Variants in MED28 observed in about 807,000 individuals in gnomAD.
MED28 encodes mediator complex subunit 28.
A neutral mutation model predicts 21.3 loss-of-function variants in MED28; 26 were observed. The observed-to-expected ratio is 1.22, with a 90% confidence interval of 0.89 to 1.69. The LOEUF (loss-of-function observed/expected upper bound fraction) is 1.69, where lower values mean the gene tolerates loss of function less well. Ranked by LOEUF, MED28 falls within the 40% of genes most tolerant of loss-of-function variation. The pLI is 0.00. For missense variants in MED28, 257 were observed against 215.4 expected (o/e 1.19, Z -1.21); for synonymous variants, 110 against 87.6 (o/e 1.26, Z -1.43).
chr4:17,631,275 C>T lies in MED28; in HGVS notation c.*7477C>T, dbSNP rs951797168. ...CTATCTTGCCCAGGCTGGTCTCGAA[C>T]TCTTGGGCTCATGCTGTCCTACCTC... is the stretch of plus-strand genomic sequence containing the variant. On this transcript the variant is annotated 3_prime_UTR_variant, in exon 4 of 4. Coordinates refer to ENST00000237380, the MANE Select transcript of MED28 (RefSeq NM_025205.5). 5.9e-5 allele frequency: 9 copies of T among 151,840 alleles called. No homozygotes were observed. The highest frequency in any genetic ancestry group is 2.2e-4 in the African/African-American group (9 of 41,288). 9.4% of individuals were successfully genotyped at this position (151,840 alleles called of 1,614,324 possible).
At chr4:17,618,194 A>G (rs1463809267) in intron 1 of MED28, among the ~76,000 whole-genome samples, 1 of 151,640 alleles carries the variant, frequency 6.6e-6, no homozygotes, top group Non-Finnish European at 1.5e-5. Context: ...GTTTTTGTAG[A>G]GACAGGGTTT....
At chr4:17,622,956 C>T (rs1489668714) in intron 3 of MED28, among the ~76,000 whole-genome samples, 1 of 152,160 alleles carries the variant, frequency 6.6e-6, no homozygotes, top group African/African-American at 2.4e-5. Flanking sequence ...GATTCAATTA[C>T]CTCTCACCAG....
rs1248525653 is a variant in MED28 at position 17,630,434 on chromosome 4, T to C, written c.*6636T>C. The C allele has an allele frequency of 1.3e-5, 2 of 152,196 alleles. No individual in the cohort carries two copies. Among genetic ancestry groups the C allele is most frequent in the Admixed American group, 6.5e-5 (1 of 15,272 alleles). 9.4% of individuals were successfully genotyped at this position (152,196 alleles called of 1,614,324 possible). On this transcript the variant is annotated 3_prime_UTR_variant, in exon 4 of 4. Transcript: ENST00000237380. ...GGAGGCGCTCTTGCCTCTTCCACCATGTAAGGACACGTAGCAGGCACCCAT... is the reference window on the plus strand; with the variant it reads ...GGAGGCGCTCTTGCCTCTTCCACCACGTAAGGACACGTAGCAGGCACCCAT...
In MED28 at chr4:17,632,544, G is replaced by A. The variant is rs753434243; in HGVS notation, c.*8746G>A. On this transcript the variant is annotated 3_prime_UTR_variant, in exon 4 of 4. Transcript: ENST00000237380. ...CCCAAAGGTTAGCTTAGAAAGAAAAGTACTTGGTGAACCATTCCTGGTGCG... is the reference window on the plus strand; with the variant it reads ...CCCAAAGGTTAGCTTAGAAAGAAAAATACTTGGTGAACCATTCCTGGTGCG... 10 of 1,550,970 alleles carry A rather than the reference G, an allele frequency of 6.4e-6. No individual in the cohort carries two copies. Among genetic ancestry groups the A allele is most frequent in the Non-Finnish European group, 8.7e-6 (10 of 1,146,458 alleles).
chr4:17,633,926 C>G lies in MED28; in HGVS notation c.*10128C>G. The G allele has an allele frequency of 7.7e-7, 1 of 1,305,378 alleles. No homozygotes were observed. The highest frequency in any genetic ancestry group is 9.9e-7 in the Non-Finnish European group (1 of 1,009,372). 80.9% of individuals were successfully genotyped at this position (1,305,378 alleles called of 1,614,324 possible). ...ATGGACAGGTTAGTGCAATGCAATG[C>G]AAAAAACAAAATAAAGCATTATTGT... On this transcript the variant is annotated 3_prime_UTR_variant, in exon 4 of 4. Transcript: ENST00000237380.
intron 1 of MED28, among the ~76,000 whole-genome samples, chr4:17,617,870 G>C (rs1037090883): frequency 1.3e-5 from 2 of 151,784 alleles, no homozygotes; most frequent in Non-Finnish European, 2.9e-5. Flanking sequence ...TCGTGCCACT[G>C]ACTCTAGCCT....
Position 17,623,797 on chromosome 4 carries a change from G to C in MED28, c.536G>C (p.Ter179SerextTer45). ...ANIPAPLKPT[*>S] ...ATCCCTGCACCTCTGAAGCCAACGT[G>C]AGCAAAGGGCAGAGGCAGTTGGCCT... The change falls in exon 4 of 4, where the codon TGA (stop) becomes TCA (serine). Residue 179 changes from the stop codon to serine (S), a stop_lost. Coordinates refer to ENST00000237380, the MANE Select transcript of MED28 (RefSeq NM_025205.5). 6.2e-7 allele frequency: 1 copy of C among 1,612,990 alleles called. No individual in the cohort carries two copies. The highest frequency in any genetic ancestry group is 8.5e-7 in the Non-Finnish European group (1 of 1,179,460).
rs1715035979 is a variant in MED28, at chr4:17,633,745, G to A, written c.*9947G>A. On this transcript the variant is annotated 3_prime_UTR_variant, in exon 4 of 4. Coordinates refer to ENST00000237380, the MANE Select transcript of MED28 (RefSeq NM_025205.5). ...TGGGTTTGTAGGTCCGGCCACAGCT[G>A]GGGCTTGGGTCCAAGCTGGGTGATG... 6.4e-7 allele frequency: 1 copy of A among 1,550,732 alleles called. No homozygotes were observed. The highest frequency in any genetic ancestry group is 8.7e-7 in the Non-Finnish European group (1 of 1,146,574).
intron 2 of MED28, among the ~76,000 whole-genome samples, chr4:17,620,692 CTTTTTTTTTTTT>C (rs146604205): frequency 9.2e-6 from 1 of 108,900 alleles, no homozygotes; most frequent in Non-Finnish European, 1.8e-5. Flanking sequence ...TGCATTGTCT[CTTTTTTTTTTTT>C]TTTTTTTTTG....
intron 1 of MED28, among the ~76,000 whole-genome samples, chr4:17,619,205 C>T (rs986293546): frequency 2.0e-5 from 3 of 152,192 alleles, no homozygotes; most frequent in African/African-American, 7.2e-5. Flanking sequence ...TTCACATTTG[C>T]ATCTGTATAG....
intron 2 of MED28, 46 bp from the exon 3 acceptor site, chr4:17,621,541 T>G (rs1308552058): frequency 7.9e-7 from 1 of 1,264,910 alleles, no homozygotes. Flanking sequence ...GATAAATGAG[T>G]CTGTTGTTTT....
chr4:17,633,753 G>T lies in MED28; in HGVS notation c.*9955G>T, dbSNP rs1360433377. 2 of 1,551,018 alleles carry T rather than the reference G, an allele frequency of 1.3e-6. No individual in the cohort carries two copies. The highest frequency in any genetic ancestry group is 1.7e-6 in the Non-Finnish European group (2 of 1,146,724). The stretch of plus-strand genomic sequence containing the variant: ...TAGGTCCGGCCACAGCTGGGGCTTG[G>T]GTCCAAGCTGGGTGATGTAGTTATT... On this transcript the variant is annotated 3_prime_UTR_variant, in exon 4 of 4. Coordinates refer to ENST00000237380, the MANE Select transcript of MED28 (RefSeq NM_025205.5).
Position 17,628,734 on chromosome 4 carries a change from G to A in MED28, c.*4936G>A, listed in dbSNP as rs1465815866. On this transcript the variant is annotated 3_prime_UTR_variant, in exon 4 of 4. Transcript: ENST00000237380. Reference sequence around the variant, plus strand: ...AGCAGGCAGTAGGATGAGGCTTGGGGACTGGCTCACTCACTGCCCAACTGG... The same window carrying A: ...AGCAGGCAGTAGGATGAGGCTTGGGAACTGGCTCACTCACTGCCCAACTGG... The A allele has an allele frequency of 6.6e-6, 1 of 152,206 alleles. No homozygotes were observed. Among genetic ancestry groups the A allele is most frequent in the African/African-American group, 2.4e-5 (1 of 41,410 alleles). The allele number at this position is 152,206 out of a possible 1,614,324, so 9.4% of individuals were successfully genotyped here.
In MED28 at chr4:17,619,977, C is replaced by T. The variant is rs1466365486; in HGVS notation, c.226+10C>T. 6.2e-7 allele frequency: 1 copy of T among 1,612,006 alleles called. No homozygotes were observed. ...GAAGAAATTCGAACCGGTAAGCATT[C>T]CCTCTGTGTACACAATGTTCTGGGC... On this transcript the variant is annotated intron_variant, in intron 2 of 3. Transcript: ENST00000237380.
At chr4:17,617,018 G>T (rs1714473501) in intron 1 of MED28, among the ~76,000 whole-genome samples, 1 of 152,216 alleles carries the variant, frequency 6.6e-6, no homozygotes, top group Non-Finnish European at 1.5e-5. Context: ...TTGCCTTGTT[G>T]TAGGATCACT....
intron 2 of MED28, among the ~76,000 whole-genome samples, chr4:17,620,872 T>C (rs1414794318): frequency 6.6e-6 from 1 of 151,988 alleles, no homozygotes; most frequent in Non-Finnish European, 1.5e-5. Context: ...GGCTAATTTT[T>C]GTTTTTTTAT....
intron 1 of MED28, among the ~76,000 whole-genome samples, chr4:17,616,011 A>T (rs1714440461): frequency 6.6e-6 from 1 of 151,988 alleles, no homozygotes; most frequent in East Asian, 1.9e-4. Flanking sequence ...CCCAGGCTGG[A>T]GTACAGTGGC....
At chr4:17,622,234 G>A (rs1441790429) in intron 3 of MED28, among the ~76,000 whole-genome samples, 2 of 152,186 alleles carry the variant, frequency 1.3e-5, no homozygotes, top group Non-Finnish European at 2.9e-5. Context: ...GCCAGGACCT[G>A]CCCCATGTGA....
At chr4:17,617,998 T>TTTTTC (rs1200482224) in intron 1 of MED28, among the ~76,000 whole-genome samples, 13 of 144,262 alleles carry the variant, frequency 9.0e-5, no homozygotes, top group African/African-American at 3.0e-4. Flanking sequence ...GTATCTTTTT[T>TTTTTC]TTTTCTTTTC....
Sources: gnomAD v4.1 joint callset for allele counts (sites outside exome capture counted in the v4.1 genomes callset) on GRCh38, gnomAD v4.1.1 for gene constraint, MANE v1.5 for transcripts, NCBI Gene and HGNC (gene_info 2026-07-23, HGNC 2026-07-21) for gene names.